EML2: variants seen among roughly 807,000 people sequenced by gnomAD.
EML2 encodes the protein EMAP like 2.
EML2 carries 59 observed loss-of-function variants against 84.7 expected under a neutral mutation model. The ratio of observed to expected loss-of-function variants is 0.70; its 90% CI spans 0.56 to 0.86. The LOEUF is 0.86. EML2 is among the 40% of genes least tolerant of loss of function. The pLI, the probability that EML2 is intolerant of heterozygous loss-of-function variation, is 0.00. For synonymous variants in EML2, 352 were observed against 348.9 expected (o/e 1.01, Z -0.10); for missense variants, 818 against 855.6 (o/e 0.96, Z 0.55).
upstream of EML2, chr19:45,642,423 T>A: frequency 2.0e-6 from 3 of 1,483,620 alleles, no homozygotes; most frequent in Non-Finnish European, 2.7e-6. Context: ...CCTCCCGCCT[T>A]CCTGGGTCTA....
At chr19:45,641,723 C>G, upstream of EML2, 1 of 1,536,106 alleles carries the variant, frequency 6.5e-7, no homozygotes. Flanking sequence ...GCGAGGCGCT[C>G]TGGTGACAAG....
chr19:45,612,652 G>A (rs185741451), intron 18 of EML2, among the ~76,000 whole-genome samples: 40 of 152,036 alleles, frequency 2.6e-4, no homozygotes, highest in African/African-American at 7.7e-4. Context: ...GCACTCCAGC[G>A]TGGGCAACAG....
intron 13 of EML2, 30 bp downstream of exon 13, chr19:45,617,600 G>A (rs1197553050): frequency 6.2e-7 from 1 of 1,602,036 alleles, no homozygotes; most frequent in Non-Finnish European, 8.5e-7. Context: ...GAGCAGAGAA[G>A]GCCTCCCGAA....
chr19:45,643,829 C>T, upstream of EML2: 14 of 1,383,490 alleles, frequency 1.0e-5, no homozygotes, highest in Non-Finnish European at 1.3e-5. Context: ...GTGCCTGGAC[C>T]TGCAGAGGGA....
intron 3 of EML2, among the ~76,000 whole-genome samples, chr19:45,636,801 A>C (rs1157423513): frequency 6.6e-6 from 1 of 152,214 alleles, no homozygotes; most frequent in Non-Finnish European, 1.5e-5. Flanking sequence ...CACACAAAAA[A>C]ATTAGCCAGG....
At chr19:45,611,340 G>A (rs1970471599) in intron 18 of EML2, among the ~76,000 whole-genome samples, 2 of 151,586 alleles carry the variant, frequency 1.3e-5, no homozygotes, top group Admixed American at 1.3e-4. Flanking sequence ...GAACCCAGGA[G>A]GCGGAGGTTG....
chr19:45,609,572 A>C lies in EML2; in HGVS notation c.*91T>G, dbSNP rs1280189628. The C allele has an allele frequency of 7.3e-7, 1 of 1,379,244 alleles. No individual in the cohort carries two copies. Among genetic ancestry groups the C allele is most frequent in the Admixed American group, 2.6e-5 (1 of 38,482 alleles). The allele number at this position is 1,379,244 out of a possible 1,614,324, so 85.4% of individuals were successfully genotyped here. A position where few individuals can be genotyped will look rare whatever the true frequency, so the allele number is the denominator to read the frequency against. On this transcript the variant is annotated 3_prime_UTR_variant, in exon 19 of 19. Coordinates refer to ENST00000245925, the MANE Select transcript of EML2 (RefSeq NM_012155.4). ...GCCCCCATAACCCCCTCTGCTATAG[A>C]CATACTCTGGGTATATATTACTCTA...
chr19:45,634,140 C>T (rs928256839), intron 4 of EML2, among the ~76,000 whole-genome samples, 182 bp downstream of exon 4: 4 of 152,132 alleles, frequency 2.6e-5, no homozygotes, highest in African/African-American at 9.7e-5. Context: ...TATTGATACT[C>T]AATCCACATT....
intron 9 of EML2, 23 bp from the exon 10 acceptor site, chr19:45,621,660 G>A (rs1971730860): frequency 2.5e-6 from 4 of 1,600,954 alleles, no homozygotes; most frequent in East Asian, 2.2e-5. Context: ...CAGGGGCAGG[G>A]TCAACAGGGA....
upstream of EML2, among the ~76,000 whole-genome samples, chr19:45,644,526 GC>G (rs1974881977): frequency 2.0e-5 from 3 of 152,096 alleles, no homozygotes. Context: ...AGAGAGGCCA[GC>G]TGCACTGTCA....
chr19:45,644,897 C>G (rs1974913490), upstream of EML2: 1 of 431,762 alleles, frequency 2.3e-6, no homozygotes, highest in Admixed American at 2.4e-5. Context: ...CCCCCACCCC[C>G]TCTGTCTGTC....
chr19:45,644,580 T>TCC, upstream of EML2: 3 of 418,058 alleles, frequency 7.2e-6, no homozygotes, highest in South Asian at 5.1e-5. Flanking sequence ...ACCTCCACCA[T>TCC]CCCCATCCCT....
At chr19:45,643,059 G>GAGT (rs1974726629), upstream of EML2, among the ~76,000 whole-genome samples, 1 of 151,978 alleles carries the variant, frequency 6.6e-6, no homozygotes, top group African/African-American at 2.4e-5. Context: ...AAGTATCTAT[G>GAGT]AGTGATAAGA....
At chr19:45,629,672 C>G (rs1039586949) in intron 7 of EML2, among the ~76,000 whole-genome samples, 1 of 149,756 alleles carries the variant, frequency 6.7e-6, no homozygotes, top group Non-Finnish European at 1.5e-5. Flanking sequence ...GTTGCCCAAG[C>G]TGATCTCAAA....
chr19:45,612,603 G>A (rs927209341), intron 18 of EML2, among the ~76,000 whole-genome samples: 11 of 152,096 alleles, frequency 7.2e-5, no homozygotes, highest in Non-Finnish European at 1.6e-4. Context: ...GAGTCCAGGA[G>A]GTCAAGGCTG....
upstream of EML2, chr19:45,641,780 C>T: frequency 2.6e-6 from 4 of 1,533,272 alleles, no homozygotes; most frequent in Non-Finnish European, 3.5e-6. Context: ...GGGGCAGAGC[C>T]TTCTAGGCCA....
At chr19:45,616,715 G>T (rs1316173764) in intron 14 of EML2, 50 bp downstream of exon 14, 3 of 1,552,374 alleles carry the variant, frequency 1.9e-6, no homozygotes, top group Non-Finnish European at 2.7e-6. Flanking sequence ...AGAGCTCTGA[G>T]CCTCTGTCCC....
chr19:45,617,374 G>A (rs141869298), intron 13 of EML2, among the ~76,000 whole-genome samples: 18 of 146,448 alleles, frequency 1.2e-4, no homozygotes, highest in African/African-American at 4.5e-4. Context: ...TGGCCAACAT[G>A]GTGAAACCCC....
intron 1 of EML2, 27 bp from the exon 2 acceptor site, chr19:45,638,900 A>C (rs1478588909): frequency 2.5e-6 from 4 of 1,613,538 alleles, no homozygotes; most frequent in Non-Finnish European, 3.4e-6. Flanking sequence ...AAGAAAAAAA[A>C]AGGGTCTTAG....
Sources: allele counts gnomAD v4.1 joint callset (sites outside exome capture counted in the v4.1 genomes callset), GRCh38; gene constraint gnomAD v4.1.1; transcripts MANE v1.5; gene names NCBI Gene and HGNC (gene_info 2026-07-23, HGNC 2026-07-21).